Variants in TSPAN2 observed in about 807,000 individuals in gnomAD.
TSPAN2 encodes tetraspanin 2.
A neutral mutation model predicts 33.3 loss-of-function variants in TSPAN2; 24 were observed. The observed-to-expected ratio is 0.72, with a 90% CI of 0.52 to 1.01. The LOEUF is 1.01. Among genes scored for constraint, TSPAN2 ranks in the 50% least tolerant of loss-of-function variants. The pLI is 0.00. For synonymous variants in TSPAN2, 114 were observed against 104.5 expected, an observed-to-expected ratio of 1.09 and a Z score of -0.56; for missense variants, 278 against 281.3, an observed-to-expected ratio of 0.99 and a Z score of 0.08.
chr1:115,062,444 A>T (rs574509038), intron 2 of TSPAN2, among the ~76,000 whole-genome samples: 9 of 152,172 alleles, frequency 5.9e-5, no homozygotes, highest in Non-Finnish European at 1.0e-4. Flanking sequence ...AGCCGGGAGA[A>T]AAATAGCCAT....
rs117428094 is a variant in TSPAN2 at position 115,064,053 on chromosome 1, A to G, written c.173-1821T>C. Among the ~76,000 whole-genome samples, 230 of 132,804 alleles carry G rather than the reference A, an allele frequency of 1.7e-3. 2 individuals carry two copies. The East Asian group carries it at 0.037, about 21-fold the overall frequency. The allele number at this position is 132,804 out of a possible 152,430, so 87.1% of individuals were successfully genotyped here. On this transcript the variant is annotated intron_variant, in intron 2 of 7. Transcript: ENST00000369516. Reference sequence around the variant, plus strand: ...CCCCCTGATTCTAAAATGAAAGTTGAAAAAGAAAAAAAAAAGTCATTCACT... The same window carrying G: ...CCCCCTGATTCTAAAATGAAAGTTGGAAAAGAAAAAAAAAAGTCATTCACT...
intron 2 of TSPAN2, among the ~76,000 whole-genome samples, chr1:115,062,438 G>A (rs916113549): frequency 6.6e-6 from 1 of 152,158 alleles, no homozygotes. Context: ...TGGCAGAGCC[G>A]GGAGAAAAAT....
chr1:115,068,813 A>G (rs1411947582), intron 2 of TSPAN2, among the ~76,000 whole-genome samples: 1 of 152,186 alleles, frequency 6.6e-6, no homozygotes, highest in Non-Finnish European at 1.5e-5. Flanking sequence ...CTTTCTATTT[A>G]TATTATAAGA....
chr1:115,061,620 G>C (rs7526323), intron 3 of TSPAN2, among the ~76,000 whole-genome samples: 1 of 151,812 alleles, frequency 6.6e-6, no homozygotes, highest in East Asian at 1.9e-4. Flanking sequence ...CACCAATGAC[G>C]TCATTTCTTT....
At chr1:115,056,784 C>T (rs1249948970) in intron 6 of TSPAN2, among the ~76,000 whole-genome samples, 1 of 152,114 alleles carries the variant, frequency 6.6e-6, no homozygotes, top group East Asian at 1.9e-4. Flanking sequence ...GGAACTTTTT[C>T]TCCTTCTCCT....
chr1:115,082,729 T>G (rs1020509332), intron 1 of TSPAN2, among the ~76,000 whole-genome samples: 2 of 152,212 alleles, frequency 1.3e-5, no homozygotes, highest in Non-Finnish European at 2.9e-5. Flanking sequence ...CTGGAATGCA[T>G]CAAGACTAAA....
intron 5 of TSPAN2, 49 bp downstream of exon 5, chr1:115,058,834 A>G (rs765381978): frequency 6.9e-7 from 1 of 1,446,772 alleles, no homozygotes; most frequent in Non-Finnish European, 9.7e-7. Context: ...CCTGGCTCAC[A>G]CATAATCTTT....
intron 1 of TSPAN2, among the ~76,000 whole-genome samples, chr1:115,086,695 T>C (rs1648847847): frequency 6.6e-6 from 1 of 152,246 alleles, no homozygotes; most frequent in Non-Finnish European, 1.5e-5. Context: ...TATTTTTGTG[T>C]TGTTCCATAT....
intron 6 of TSPAN2, among the ~76,000 whole-genome samples, chr1:115,056,270 CT>C (rs770363122): frequency 1.6e-4 from 24 of 152,104 alleles, no homozygotes; most frequent in Non-Finnish European, 3.1e-4. Flanking sequence ...TGGACTTTGA[CT>C]TTTGTAAACT....
chr1:115,063,074 T>C (rs1277034213), intron 2 of TSPAN2, among the ~76,000 whole-genome samples: 1 of 152,182 alleles, frequency 6.6e-6, no homozygotes, highest in African/African-American at 2.4e-5. Flanking sequence ...AATAATTTCA[T>C]GAGGGAATGG....
intron 5 of TSPAN2, among the ~76,000 whole-genome samples, 172 bp from the exon 6 acceptor site, chr1:115,057,780 G>A (rs1168159242): frequency 1.3e-5 from 2 of 152,204 alleles, no homozygotes; most frequent in African/African-American, 4.8e-5. Context: ...TAATCATGCT[G>A]GCAAAACAAG....
chr1:115,057,950 C>T (rs907542728), intron 5 of TSPAN2, among the ~76,000 whole-genome samples: 2 of 152,178 alleles, frequency 1.3e-5, no homozygotes, highest in African/African-American at 4.8e-5. Flanking sequence ...GTCATTTAAC[C>T]TGCTGAGGAG....
At chr1:115,075,393 T>C (rs1423829877) in intron 1 of TSPAN2, among the ~76,000 whole-genome samples, 1 of 152,118 alleles carries the variant, frequency 6.6e-6, no homozygotes, top group African/African-American at 2.4e-5. Context: ...TCAGGGATGC[T>C]GTGGGTAAGG....
chr1:115,067,245 C>A (rs888417079), intron 2 of TSPAN2, among the ~76,000 whole-genome samples: 1 of 152,178 alleles, frequency 6.6e-6, no homozygotes, highest in African/African-American at 2.4e-5. Flanking sequence ...GAAATTGGTT[C>A]ATTTTGCAAT....
At position 115,062,134 on chromosome 1, in the gene TSPAN2, C is replaced by T. The variant is rs1259818544; in HGVS notation, c.270+1G>A. 2 of 1,520,306 alleles carry T rather than the reference C, an allele frequency of 1.3e-6. No individual in the cohort carries two copies. Among genetic ancestry groups the T allele is most frequent in the Non-Finnish European group, 1.8e-6 (2 of 1,113,900 alleles). The allele number at this position is 1,520,306 out of a possible 1,614,324, so 94.2% of individuals were successfully genotyped here. On this transcript the variant is annotated splice_donor_variant, in intron 3 of 7. Coordinates refer to ENST00000369516, the MANE Select transcript of TSPAN2 (RefSeq NM_005725.6). LOFTEE classifies it high-confidence loss of function. ...ACCATTTACCCCCTCGCCCCACTTA[C>T]TGATCCAAGCACACATTGCGACTCC...
At chr1:115,088,834 C>A (rs912475673) in intron 1 of TSPAN2, among the ~76,000 whole-genome samples, 1 of 152,140 alleles carries the variant, frequency 6.6e-6, no homozygotes, top group Non-Finnish European at 1.5e-5. Context: ...CCACAATTTT[C>A]ACTCCTATCT....
intron 1 of TSPAN2, among the ~76,000 whole-genome samples, chr1:115,086,595 A>T (rs887134144): frequency 5.3e-5 from 8 of 152,172 alleles, no homozygotes; most frequent in African/African-American, 1.9e-4. Context: ...TAACACATTC[A>T]AGCACTTAAA....
At chr1:115,061,295 T>G (rs1327117050) in intron 3 of TSPAN2, among the ~76,000 whole-genome samples, 1 of 152,238 alleles carries the variant, frequency 6.6e-6, no homozygotes, top group Non-Finnish European at 1.5e-5. Context: ...TGGAGAAATA[T>G]CAACACTTTC....
intron 7 of TSPAN2, 21 bp from the exon 8 acceptor site, chr1:115,050,576 A>T (rs753669301): frequency 6.2e-7 from 1 of 1,612,592 alleles, no homozygotes; most frequent in South Asian, 1.1e-5. Context: ...AGAAACACTC[A>T]TCAGTGACTT....
Sources: gnomAD v4.1 joint callset for allele counts (sites outside exome capture counted in the v4.1 genomes callset) on GRCh38, gnomAD v4.1.1 for gene constraint, MANE v1.5 for transcripts, NCBI Gene and HGNC (gene_info 2026-07-23, HGNC 2026-07-21) for gene names.